The following TM9SF4 variants were observed in gnomAD, a reference collection of about 807,000 sequenced individuals.
TM9SF4 encodes transmembrane 9 superfamily member 4, also known as dinucleotide oxidase disulfide thiol exchanger 3 superfamily member 4.
Under a neutral mutation model 90.4 loss-of-function variants are expected in TM9SF4, and 26 were observed. The ratio of observed to expected loss-of-function variants is 0.29; its 90% CI spans 0.21 to 0.40. The LOEUF (loss-of-function observed/expected upper bound fraction) is 0.40, where lower values mean the gene tolerates loss of function less well. Ranked by LOEUF, TM9SF4 falls within the 10% of genes least tolerant of loss-of-function variation. The pLI, the probability that TM9SF4 is intolerant of heterozygous loss-of-function variation, is 1.00. For synonymous variants in TM9SF4, 293 were observed against 315.4 expected, an observed-to-expected ratio of 0.93 and a Z score of 0.75; for missense variants, 549 against 834.8, an observed-to-expected ratio of 0.66 and a Z score of 4.22.
At chr20:32,124,236 C>T (rs540772169) in intron 1 of TM9SF4, among the ~76,000 whole-genome samples, 5 of 151,930 alleles carry the variant, frequency 3.3e-5, no homozygotes, top group Admixed American at 2.0e-4. Context: ...CCCGAAGTAA[C>T]GGACAAATAC....
intron 6 of TM9SF4, among the ~76,000 whole-genome samples, chr20:32,144,494 G>A (rs1393984420): frequency 5.3e-5 from 8 of 152,178 alleles, no homozygotes; most frequent in African/African-American, 1.9e-4. Context: ...CGTTTGAATT[G>A]AGTGAAGGAA....
At chr20:32,129,183 C>T (rs554719442) in intron 1 of TM9SF4, among the ~76,000 whole-genome samples, 114 of 152,116 alleles carry the variant, frequency 7.5e-4, no homozygotes, top group African/African-American at 2.7e-3. Context: ...AAATCTAAAG[C>T]TTGAACATTC....
chr20:32,148,200 T>G (rs1178476838), intron 9 of TM9SF4, among the ~76,000 whole-genome samples: 1 of 152,228 alleles, frequency 6.6e-6, no homozygotes, highest in East Asian at 1.9e-4. Context: ...ATATGCCCAG[T>G]AAGCAAGAGA....
At chr20:32,149,444 A>G (rs1032758821) in intron 9 of TM9SF4, among the ~76,000 whole-genome samples, 190 bp from the exon 10 acceptor site, 28 of 152,324 alleles carry the variant, frequency 1.8e-4, no homozygotes, top group South Asian at 8.3e-4. Flanking sequence ...TTACGCATCT[A>G]CAGGCATCAG....
chr20:32,158,873 A>G (rs962974179), intron 15 of TM9SF4, among the ~76,000 whole-genome samples: 3 of 151,890 alleles, frequency 2.0e-5, no homozygotes, highest in Admixed American at 6.6e-5. Flanking sequence ...TCCCAGCTAC[A>G]TGGGAGGCTG....
intron 5 of TM9SF4, 96 bp from the exon 6 acceptor site, chr20:32,142,886 G>A (rs1379273936): frequency 1.1e-5 from 17 of 1,517,438 alleles, no homozygotes; most frequent in Non-Finnish European, 9.0e-7. Flanking sequence ...AGGAAGGTTG[G>A]TACAACCAGG....
intron 1 of TM9SF4, among the ~76,000 whole-genome samples, chr20:32,118,637 T>G (rs6141632): frequency 0.43 from 60,042 of 138,046 alleles, 12,438 homozygotes; most frequent in East Asian, 0.78. Context: ...ATTTATTTAT[T>G]TATTTATTTT....
At chr20:32,150,989 G>A (rs2046833858) in intron 12 of TM9SF4, 114 bp downstream of exon 12, 2 of 1,268,408 alleles carry the variant, frequency 1.6e-6, no homozygotes, top group Non-Finnish European at 2.2e-6. Flanking sequence ...AAGCTGAGCA[G>A]CAGCAAGACA....
chr20:32,151,421 C>G (rs976938878), intron 12 of TM9SF4, among the ~76,000 whole-genome samples: 14 of 144,792 alleles, frequency 9.7e-5, no homozygotes, highest in Admixed American at 9.1e-4. Flanking sequence ...TCCCAGGGAT[C>G]CCCGAGCCCC....
chr20:32,163,011 G>C (rs1014970116), intron 17 of TM9SF4, among the ~76,000 whole-genome samples: 2 of 151,998 alleles, frequency 1.3e-5, no homozygotes, highest in African/African-American at 4.8e-5. Context: ...ACTTCGGGAG[G>C]CCGAGGAGGG....
chr20:32,132,996 G>A lies in TM9SF4; in HGVS notation c.16-17G>A, dbSNP rs1314740870. On this transcript the variant is annotated splice_polypyrimidine_tract_variant and intron_variant, in intron 1 of 17. Coordinates refer to ENST00000398022, the MANE Select transcript of TM9SF4 (RefSeq NM_014742.4). ...ACTTCTTCTCCCCAATCCAACCCTG[G>A]CCTCTCTTCTGAGCAGGATTGGTTG... 1 of 1,608,712 alleles carries A rather than the reference G, an allele frequency of 6.2e-7. No individual in the cohort carries two copies. The highest frequency in any genetic ancestry group is 1.7e-5 in the Admixed American group (1 of 59,874).
intron 17 of TM9SF4, among the ~76,000 whole-genome samples, chr20:32,163,268 A>AAAAAAAAAAATATATAT (rs1555886757): frequency 1.3e-5 from 1 of 74,494 alleles, no homozygotes; most frequent in African/African-American, 5.9e-5. Flanking sequence ...AAAAAAAAAA[A>AAAAAAAAAAATATATAT]ATATATATAT....
At position 32,112,093 on chromosome 20, in the gene TM9SF4, T is replaced by A. The variant is rs77201575; in HGVS notation, c.15+2338T>A. ...AGAGGCTGTGGAAAGGAGTTTGGATTTTAGTCTAAGCACAGTGGAAGGGAC... is the reference window on the plus strand; with the variant it reads ...AGAGGCTGTGGAAAGGAGTTTGGATATTAGTCTAAGCACAGTGGAAGGGAC... On this transcript the variant is annotated intron_variant, in intron 1 of 17. Coordinates refer to ENST00000398022, the MANE Select transcript of TM9SF4 (RefSeq NM_014742.4). Among the ~76,000 whole-genome samples the A allele has an allele frequency of 3.6e-3, 555 of 152,250 alleles. 3 individuals are homozygous for A. The highest frequency in any genetic ancestry group is 0.013 in the African/African-American group (527 of 41,550).
intron 17 of TM9SF4, among the ~76,000 whole-genome samples, chr20:32,164,094 C>A (rs901881843): frequency 1.3e-5 from 2 of 152,136 alleles, no homozygotes; most frequent in African/African-American, 4.8e-5. Context: ...TCCTCCAGCC[C>A]CAATGCCTTA....
intron 13 of TM9SF4, 41 bp downstream of exon 13, chr20:32,155,227 C>T (rs201728485): frequency 3.4e-5 from 53 of 1,537,948 alleles, no homozygotes; most frequent in African/African-American, 5.4e-5. Context: ...CCCCAGCAAG[C>T]GAGGACCAGT....
chr20:32,157,756 CAG>C, intron 13 of TM9SF4, 36 bp from the exon 14 acceptor site: 1 of 1,608,584 alleles, frequency 6.2e-7, no homozygotes, highest in Non-Finnish European at 8.5e-7. Context: ...TCCCGGGCAT[CAG>C]GGCCTCGTGG....
At chr20:32,127,650 A>G (rs936000984) in intron 1 of TM9SF4, among the ~76,000 whole-genome samples, 3 of 151,794 alleles carry the variant, frequency 2.0e-5, no homozygotes, top group African/African-American at 4.8e-5. Flanking sequence ...TTGTTTTTTT[A>G]TGTGTATACT....
chr20:32,165,423 T>C lies in TM9SF4; in HGVS notation c.1908T>C (p.Tyr636=). 1 of 1,614,204 alleles carries C rather than the reference T, an allele frequency of 6.2e-7. No homozygotes were observed. Among genetic ancestry groups the C allele is most frequent in the East Asian group, 2.2e-5 (1 of 44,874 alleles). The change falls in exon 18 of 18, where the codon TAT becomes TAC. Residue 636 remains tyrosine, a synonymous_variant. Transcript: ENST00000398022. ...CCTACATGTTTGTTCGCAAGATCTA[T>C]GCTGCTGTGAAGATAGACTGATTGG... ...YAAYMFVRKI[Y]AAVKID
At position 32,165,803 on chromosome 20, in the gene TM9SF4, C is replaced by T. The variant is rs374099169; in HGVS notation, c.*359C>T. On this transcript the variant is annotated 3_prime_UTR_variant, in exon 18 of 18. Coordinates refer to ENST00000398022, the MANE Select transcript of TM9SF4 (RefSeq NM_014742.4). ...ATGGATCCAGGATGGATAAATCCAC[C>T]GAGATAAGGGTTTTGGTCACTGTCT... is the stretch of plus-strand genomic sequence containing the variant. 4 of 233,552 alleles carry T rather than the reference C, an allele frequency of 1.7e-5. No individual in the cohort carries two copies. Among genetic ancestry groups the T allele is most frequent in the East Asian group, 2.1e-4 (2 of 9,618 alleles). 14.5% of individuals were successfully genotyped at this position (233,552 alleles called of 1,614,324 possible).
Sources: allele counts gnomAD v4.1 joint callset (sites outside exome capture counted in the v4.1 genomes callset), GRCh38; gene constraint gnomAD v4.1.1; transcripts MANE v1.5; gene names NCBI Gene and HGNC (gene_info 2026-07-23, HGNC 2026-07-21).